The following PPM1H variants were observed in gnomAD, a reference collection of about 807,000 sequenced individuals.
PPM1H encodes protein phosphatase 1H.
A neutral mutation model predicts 54.9 loss-of-function variants in PPM1H; 27 were observed. The observed-to-expected ratio is 0.49, with a 90% CI of 0.36 to 0.68. PPM1H has a LOEUF of 0.68. PPM1H is among the 30% of genes least tolerant of loss of function. The pLI, the probability that PPM1H is intolerant of heterozygous loss-of-function variation, is 0.00. For synonymous variants in PPM1H, 305 were observed against 270.8 expected (o/e 1.13, Z -1.24); for missense variants, 596 against 667.8 (o/e 0.89, Z 1.19).
intron 4 of PPM1H, among the ~76,000 whole-genome samples, chr12:62,743,749 A>G (rs558026451): frequency 6.6e-6 from 1 of 152,252 alleles, no homozygotes; most frequent in South Asian, 2.1e-4. Context: ...TGATTAGGCA[A>G]CTGACAGAAG....
intron 4 of PPM1H, among the ~76,000 whole-genome samples, chr12:62,750,139 T>C (rs1324707935): frequency 6.6e-6 from 1 of 152,200 alleles, no homozygotes; most frequent in African/African-American, 2.4e-5. Flanking sequence ...CCATAAAATA[T>C]ACCCTCTTAA....
intron 4 of PPM1H, among the ~76,000 whole-genome samples, chr12:62,776,167 A>T (rs1374002692): frequency 6.6e-6 from 1 of 152,162 alleles, no homozygotes; most frequent in African/African-American, 2.4e-5. Context: ...TGTTATAGGA[A>T]CTACAATTCA....
At chr12:62,896,314 C>T (rs190451521) in intron 1 of PPM1H, among the ~76,000 whole-genome samples, 1 of 152,276 alleles carries the variant, frequency 6.6e-6, no homozygotes, top group East Asian at 1.9e-4. Context: ...GAACAGGCAA[C>T]CTACAGAATG....
At chr12:62,793,082 G>A (rs1014712337) in intron 3 of PPM1H, among the ~76,000 whole-genome samples, 2 of 152,178 alleles carry the variant, frequency 1.3e-5, no homozygotes, top group Non-Finnish European at 2.9e-5. Context: ...AGCAAGGACT[G>A]ATTTAGAATA....
At chr12:62,897,688 T>C (rs1250033833) in intron 1 of PPM1H, among the ~76,000 whole-genome samples, 1 of 152,092 alleles carries the variant, frequency 6.6e-6, no homozygotes, top group Non-Finnish European at 1.5e-5. Context: ...GCAATCTACC[T>C]ATGACTTTGT....
intron 3 of PPM1H, among the ~76,000 whole-genome samples, chr12:62,790,617 A>G (rs2076696779): frequency 6.6e-6 from 1 of 150,804 alleles, no homozygotes; most frequent in African/African-American, 2.4e-5. Context: ...ATAGAGAAAA[A>G]ACACAAAGCC....
At chr12:62,782,019 G>A (rs560359350) in intron 4 of PPM1H, among the ~76,000 whole-genome samples, 76 of 151,976 alleles carry the variant, frequency 5.0e-4, no homozygotes, top group African/African-American at 1.8e-3. Flanking sequence ...TGTTGATTTT[G>A]TTTTTTTTCT....
In PPM1H at chr12:62,877,563, G is replaced by C. The variant is rs1870220582; in HGVS notation, c.246-45284C>G. Among the ~76,000 whole-genome samples, 5 of 152,086 alleles carry C rather than the reference G, an allele frequency of 3.3e-5. No individual in the cohort carries two copies. The South Asian group carries it at 8.3e-4, about 25-fold the overall frequency. On this transcript the variant is annotated intron_variant, in intron 1 of 9. Transcript: ENST00000228705. ...GATGTACTCTCTCTCTCTATTCTCTGAACTCTCCATGAAATATATATGATT... is the reference window on the plus strand; with the variant it reads ...GATGTACTCTCTCTCTCTATTCTCTCAACTCTCCATGAAATATATATGATT...
chr12:62,921,052 G>T (rs1190769814), intron 1 of PPM1H, among the ~76,000 whole-genome samples: 2 of 152,028 alleles, frequency 1.3e-5, no homozygotes, highest in African/African-American at 4.8e-5. Flanking sequence ...AGCCTCCCAA[G>T]TAGCTGGGAT....
At chr12:62,814,885 T>C (rs984809392) in intron 2 of PPM1H, among the ~76,000 whole-genome samples, 1 of 152,210 alleles carries the variant, frequency 6.6e-6, no homozygotes, top group Non-Finnish European at 1.5e-5. Context: ...CCCCACTATA[T>C]ATGTGATTAT....
intron 8 of PPM1H, among the ~76,000 whole-genome samples, chr12:62,669,969 CTTTTTTTTTTTTTT>C (rs1161094944): frequency 2.2e-5 from 1 of 46,426 alleles, no homozygotes; most frequent in Admixed American, 3.9e-4. Flanking sequence ...GGATTGATTC[CTTTTTTTTTTTTTT>C]TTTTTTTTTT....
intron 6 of PPM1H, among the ~76,000 whole-genome samples, chr12:62,711,957 A>G (rs1275604581): frequency 1.3e-5 from 2 of 152,192 alleles, no homozygotes; most frequent in African/African-American, 4.8e-5. Context: ...GCAGGGAGTC[A>G]TTCATCACTG....
intron 1 of PPM1H, among the ~76,000 whole-genome samples, chr12:62,865,548 C>T (rs1037898954): frequency 6.6e-6 from 1 of 152,114 alleles, no homozygotes; most frequent in Admixed American, 6.6e-5. Flanking sequence ...TTTTTAAAAT[C>T]TCTTCTAGAT....
chr12:62,885,975 C>G (rs1243633833), intron 1 of PPM1H, among the ~76,000 whole-genome samples: 1 of 152,168 alleles, frequency 6.6e-6, no homozygotes, highest in Non-Finnish European at 1.5e-5. Flanking sequence ...ATAAGCCTTA[C>G]AGAACACCAC....
chr12:62,869,866 C>G lies in PPM1H; in HGVS notation c.246-37587G>C, dbSNP rs1377595402. 2.0e-5 allele frequency among the ~76,000 whole-genome samples: 3 copies of G among 152,262 alleles called. No homozygotes were observed. In the East Asian group the frequency reaches 5.8e-4, roughly 29 times the overall value. ...AACATGCTGTACCATGTGTGTGAGT[C>G]ACTCTTACCCCCAACTCTTTTCTCA... On this transcript the variant is annotated intron_variant, in intron 1 of 9. Coordinates refer to ENST00000228705, the MANE Select transcript of PPM1H (RefSeq NM_020700.2).
At chr12:62,746,449 C>T (rs543447797) in intron 4 of PPM1H, among the ~76,000 whole-genome samples, 2 of 152,304 alleles carry the variant, frequency 1.3e-5, no homozygotes, top group South Asian at 4.1e-4. Context: ...ACTGACAACT[C>T]AATTACCATA....
intron 1 of PPM1H, among the ~76,000 whole-genome samples, chr12:62,897,287 T>G (rs1371766283): frequency 6.6e-6 from 1 of 152,062 alleles, no homozygotes; most frequent in Non-Finnish European, 1.5e-5. Flanking sequence ...TACTCCCTTG[T>G]GCCCTCCCCC....
chr12:62,772,494 T>A (rs2076584969), intron 4 of PPM1H, among the ~76,000 whole-genome samples: 1 of 152,196 alleles, frequency 6.6e-6, no homozygotes, highest in Non-Finnish European at 1.5e-5. Flanking sequence ...GTTCATACTA[T>A]CTTTTTTCAT....
intron 1 of PPM1H, among the ~76,000 whole-genome samples, chr12:62,845,509 A>C (rs1868932054): frequency 6.6e-6 from 1 of 152,234 alleles, no homozygotes; most frequent in Admixed American, 6.5e-5. Flanking sequence ...GGTAGACCAT[A>C]TATGAGGTAT....
Sources: allele counts gnomAD v4.1 joint callset (sites outside exome capture counted in the v4.1 genomes callset), GRCh38; gene constraint gnomAD v4.1.1; transcripts MANE v1.5; gene names NCBI Gene and HGNC (gene_info 2026-07-23, HGNC 2026-07-21).